NPIPB2: variants seen among roughly 807,000 people sequenced by gnomAD.
The protein encoded by NPIPB2 is nuclear pore complex interacting protein family member B2, also known as nuclear pore complex-interacting protein family member B2.
In NPIPB2, 27 loss-of-function variants were observed where a neutral mutation model predicts 30.8. The ratio of observed to expected loss-of-function variants is 0.88; its 90% CI spans 0.65 to 1.21. The LOEUF (loss-of-function observed/expected upper bound fraction) is 1.21. NPIPB2 is among the 50% of genes most tolerant of loss of function. The probability of loss-of-function intolerance (pLI) is 0.00; values close to 1 mark genes in which losing one functional copy is unlikely to be tolerated. For synonymous variants in NPIPB2, 147 were observed against 162.0 expected, an observed-to-expected ratio of 0.91 and a Z score of 0.70; for missense variants, 440 against 446.2, an observed-to-expected ratio of 0.99 and a Z score of 0.13.
At chr16:11,939,262 T>A (rs3925634) in intron 1 of NPIPB2, among the ~76,000 whole-genome samples, 8 of 150,934 alleles carry the variant, frequency 5.3e-5, no homozygotes, top group African/African-American at 1.9e-4. Flanking sequence ...ATTTTAGTGC[T>A]TAAAAATTAA....
At chr16:11,952,491 C>G (rs182111742) in intron 1 of NPIPB2, among the ~76,000 whole-genome samples, 162 of 152,022 alleles carry the variant, frequency 1.1e-3, no homozygotes, top group African/African-American at 3.8e-3. Context: ...GGAAATAGGA[C>G]CCACCTTAAC....
intron 1 of NPIPB2, among the ~76,000 whole-genome samples, chr16:11,970,848 T>A (rs2055231275): frequency 1.4e-5 from 2 of 143,702 alleles, no homozygotes; most frequent in South Asian, 4.4e-4. Context: ...ATCAGCATTT[T>A]CTTACTCGTT....
At chr16:11,960,104 A>G (rs1462148530) in intron 1 of NPIPB2, among the ~76,000 whole-genome samples, 1 of 151,990 alleles carries the variant, frequency 6.6e-6, no homozygotes, top group Non-Finnish European at 1.5e-5. Flanking sequence ...TTAGTGATTT[A>G]TCTTTCATAT....
chr16:11,953,163 C>G (rs1356872539), intron 1 of NPIPB2, among the ~76,000 whole-genome samples: 1 of 151,924 alleles, frequency 6.6e-6, no homozygotes, highest in Admixed American at 6.6e-5. Context: ...TATTTTTTTT[C>G]AAGGTGGAGT....
chr16:11,965,949 A>C (rs2055189906), intron 1 of NPIPB2, among the ~76,000 whole-genome samples: 3 of 152,088 alleles, frequency 2.0e-5, no homozygotes, highest in Admixed American at 2.0e-4. Flanking sequence ...GTCTCTACTA[A>C]AAATACAAAA....
intron 1 of NPIPB2, among the ~76,000 whole-genome samples, chr16:11,949,241 C>G (rs1194902797): frequency 6.6e-6 from 1 of 152,114 alleles, no homozygotes; most frequent in Non-Finnish European, 1.5e-5. Context: ...ACTTGCGAAG[C>G]CTTTTCTATT....
rs925444983 is a variant in NPIPB2 at position 11,951,297 on chromosome 16, A to T, written c.-583-9183T>A. On this transcript the variant is annotated intron_variant, in intron 1 of 5. Transcript: ENST00000538896. ...CGGTGAAACCCCGTCTCTACTAAAAAATATATAAAAAAAAAAATTAGCCGG... is the reference window on the plus strand; with the variant it reads ...CGGTGAAACCCCGTCTCTACTAAAATATATATAAAAAAAAAAATTAGCCGG... Among the ~76,000 whole-genome samples, 44 of 150,876 alleles carry T rather than the reference A, an allele frequency of 2.9e-4. No homozygotes were observed. In the South Asian group the frequency reaches 3.4e-3, roughly 12 times the overall value.
intron 4 of NPIPB2, among the ~76,000 whole-genome samples, chr16:11,932,162 C>T (rs879231503): frequency 6.6e-6 from 1 of 151,918 alleles, no homozygotes; most frequent in Non-Finnish European, 1.5e-5. Context: ...TGGAGGACCC[C>T]TGACCATCCC....
At chr16:11,963,329 G>A (rs902739834) in intron 1 of NPIPB2, among the ~76,000 whole-genome samples, 3 of 149,922 alleles carry the variant, frequency 2.0e-5, no homozygotes, top group African/African-American at 7.4e-5. Context: ...GCAGTGAGCC[G>A]AGATCGCGCC....
At chr16:11,945,253 T>G (rs1287680767), upstream of NPIPB2, among the ~76,000 whole-genome samples, 1 of 151,988 alleles carries the variant, frequency 6.6e-6, no homozygotes, top group Non-Finnish European at 1.5e-5. Context: ...AGATAGTGTG[T>G]GCTTATAGTC....
At chr16:11,962,197 T>TA (rs34733614) in intron 1 of NPIPB2, among the ~76,000 whole-genome samples, 44,428 of 95,582 alleles carry the variant, frequency 0.46, 11,215 homozygotes, top group Non-Finnish European at 0.59. Context: ...CACCCTGTCT[T>TA]AAAAAAAAAA....
At chr16:11,943,842 C>T (rs1019661737), upstream of NPIPB2, among the ~76,000 whole-genome samples, 1 of 148,634 alleles carries the variant, frequency 6.7e-6, no homozygotes, top group African/African-American at 2.5e-5. Context: ...ACTAAAAATA[C>T]AAAAAATTAG....
chr16:11,932,365 T>C (rs1335634593), intron 4 of NPIPB2, among the ~76,000 whole-genome samples: 2 of 149,674 alleles, frequency 1.3e-5, no homozygotes, highest in Non-Finnish European at 3.0e-5. Flanking sequence ...AAGCATTGAA[T>C]TCAACAATCC....
chr16:11,940,580 T>C (rs28698879), intron 1 of NPIPB2, among the ~76,000 whole-genome samples: 4 of 138,152 alleles, frequency 2.9e-5, no homozygotes, highest in African/African-American at 8.4e-5. Context: ...CTACTAAAAA[T>C]ACAAAAATTA....
intron 1 of NPIPB2, among the ~76,000 whole-genome samples, chr16:11,952,062 G>A (rs1326863572): frequency 6.6e-6 from 1 of 151,798 alleles, no homozygotes; most frequent in Non-Finnish European, 1.5e-5. Context: ...GGGAGGCTGA[G>A]GCAGGAGAAT....
Position 11,966,089 on chromosome 16 carries a change from C to T in NPIPB2, c.-584+10479G>A. 4.9e-6 allele frequency: 6 copies of T among 1,222,428 alleles called. No individual in the cohort carries two copies. In the South Asian group the frequency reaches 9.1e-5, roughly 19 times the overall value. 75.7% of individuals were successfully genotyped at this position (1,222,428 alleles called of 1,614,324 possible). ...TCGCGCCACTGCACTCTAGCCTGGG[C>T]AACAGAGCAAGACTTTGTCTCAAAA... On this transcript the variant is annotated intron_variant, in intron 1 of 5. Transcript: ENST00000538896.
chr16:11,974,284 G>A (rs997631848), intron 1 of NPIPB2, among the ~76,000 whole-genome samples: 1 of 152,164 alleles, frequency 6.6e-6, no homozygotes, highest in Non-Finnish European at 1.5e-5. Flanking sequence ...TTGGGAGGCC[G>A]AGGAGGGTGG....
intron 1 of NPIPB2, chr16:11,967,219 C>G: frequency 1.8e-5 from 4 of 221,306 alleles, no homozygotes; most frequent in South Asian, 7.8e-5. Flanking sequence ...CCAGGATGGT[C>G]TCAAGCTCCT....
chr16:11,956,051 G>C (rs2055109712), intron 1 of NPIPB2: 1 of 152,146 alleles, frequency 6.6e-6, no homozygotes, highest in African/African-American at 2.4e-5. Flanking sequence ...GCAGGAAATT[G>C]CCGCCAGTCA....
Sources: allele counts gnomAD v4.1 joint callset (sites outside exome capture counted in the v4.1 genomes callset), GRCh38; gene constraint gnomAD v4.1.1; transcripts MANE v1.5; gene names NCBI Gene and HGNC (gene_info 2026-07-23, HGNC 2026-07-21).